Variants in NTM observed in about 807,000 individuals in gnomAD.
NTM encodes neurotrimin, also known as IgLON family member 2.
In NTM, 13 loss-of-function variants were observed where a neutral mutation model predicts 42.1. The ratio of observed to expected loss-of-function variants is 0.31; its 90% CI spans 0.20 to 0.49. The LOEUF (loss-of-function observed/expected upper bound fraction) is 0.49, where lower values mean the gene tolerates loss of function less well. NTM is among the 20% of genes least tolerant of loss of function. The pLI is 0.99. For missense variants in NTM, 373 were observed against 452.8 expected (o/e 0.82, Z 1.60); for synonymous variants, 187 against 179.2 (o/e 1.04, Z -0.35).
At chr11:132,024,956 G>A (rs1334834338) in intron 2 of NTM, among the ~76,000 whole-genome samples, 2 of 152,136 alleles carry the variant, frequency 1.3e-5, no homozygotes, top group Non-Finnish European at 2.9e-5. Context: ...GGCTTCATGC[G>A]ATAAAGTGAA....
chr11:132,073,647 A>G (rs2057993183), intron 2 of NTM, among the ~76,000 whole-genome samples: 1 of 152,128 alleles, frequency 6.6e-6, no homozygotes, highest in Non-Finnish European at 1.5e-5. Context: ...CAAACTAACC[A>G]TTATGGTCAA....
chr11:131,971,039 A>T (rs1273999342), intron 2 of NTM, among the ~76,000 whole-genome samples: 1 of 152,056 alleles, frequency 6.6e-6, no homozygotes, highest in Non-Finnish European at 1.5e-5. Context: ...ATGACAAACA[A>T]CCCTTTACAA....
intron 1 of NTM, among the ~76,000 whole-genome samples, chr11:131,565,701 G>T (rs1171115083): frequency 6.6e-6 from 1 of 152,216 alleles, no homozygotes; most frequent in Non-Finnish European, 1.5e-5. Context: ...CTGCAGTTGA[G>T]CTAGAAAGAT....
At chr11:131,899,288 C>T (rs975533179) in intron 1 of NTM, among the ~76,000 whole-genome samples, 4 of 152,100 alleles carry the variant, frequency 2.6e-5, no homozygotes, top group Admixed American at 6.5e-5. Context: ...GAAAGCAAGG[C>T]GGGCCAACTA....
At chr11:132,152,475 A>G (rs1188081302) in intron 3 of NTM, among the ~76,000 whole-genome samples, 1 of 152,256 alleles carries the variant, frequency 6.6e-6, no homozygotes, top group Admixed American at 6.5e-5. Context: ...GAAATAGATG[A>G]AAATGTATAT....
intron 2 of NTM, among the ~76,000 whole-genome samples, chr11:131,948,803 T>G (rs918655128): frequency 6.6e-6 from 1 of 152,202 alleles, no homozygotes; most frequent in African/African-American, 2.4e-5. Context: ...GTCCATATAT[T>G]TTTAGGTTTG....
rs1314863741 is a variant in NTM, at chr11:132,125,342, T to A, written c.168-20940T>A. On this transcript the variant is annotated intron_variant, in intron 2 of 8. Coordinates refer to ENST00000683400, the MANE Select transcript of NTM (RefSeq NM_001352005.2). ...GGTATATGTGGTGTGTGGTGTGGTA[T>A]GTGATTGTGTAGTGTGTAGTGTATG... Among the ~76,000 whole-genome samples, 29 of 138,840 alleles carry A rather than the reference T, an allele frequency of 2.1e-4. No homozygotes were observed. The Admixed American group carries it at 2.2e-3, about 11-fold the overall frequency. 91.1% of individuals were successfully genotyped at this position (138,840 alleles called of 152,430 possible).
intron 2 of NTM, among the ~76,000 whole-genome samples, chr11:131,939,906 G>A (rs2059617757): frequency 1.3e-5 from 2 of 152,154 alleles, no homozygotes; most frequent in African/African-American, 4.8e-5. Flanking sequence ...CAGTGACAGT[G>A]GATGTGTGAG....
chr11:131,533,478 G>A (rs1462753340), intron 1 of NTM, among the ~76,000 whole-genome samples: 1 of 152,174 alleles, frequency 6.6e-6, no homozygotes, highest in East Asian at 1.9e-4. Context: ...TGGGCCTTCT[G>A]CTTAAATGGC....
Position 132,002,859 on chromosome 11 carries a change from C to G in NTM, c.167+91211C>G, listed in dbSNP as rs182291482. On this transcript the variant is annotated intron_variant, in intron 2 of 8. Coordinates refer to ENST00000683400, the MANE Select transcript of NTM (RefSeq NM_001352005.2). This position sits in a 1 kb window ranked among gnomAD's most constrained non-coding sequence, Gnocchi z 4.5. ...ATACATTTAAAGTCCTAGAACAAAG[C>G]CTGCACATAGCAAGCTCTTAGCCAA... is the stretch of plus-strand genomic sequence containing the variant. Among the ~76,000 whole-genome samples the G allele has an allele frequency of 1.3e-5, 2 of 152,104 alleles. No homozygotes were observed. The highest frequency in any genetic ancestry group is 2.1e-4 in the South Asian group (1 of 4,826).
At chr11:131,419,985 G>T (rs1482739087) in intron 1 of NTM, among the ~76,000 whole-genome samples, 1 of 152,164 alleles carries the variant, frequency 6.6e-6, no homozygotes, top group African/African-American at 2.4e-5. Context: ...TCCTTTGGTT[G>T]TTGGGAGTCA....
At chr11:132,143,977 G>T (rs973748122) in intron 2 of NTM, among the ~76,000 whole-genome samples, 1 of 103,176 alleles carries the variant, frequency 9.7e-6, no homozygotes, top group African/African-American at 3.2e-5. Context: ...CACAAGAAAG[G>T]CTTGGATCAG....
chr11:131,642,651 A>G (rs2134241660), intron 1 of NTM, among the ~76,000 whole-genome samples: 1 of 152,314 alleles, frequency 6.6e-6, no homozygotes, highest in South Asian at 2.1e-4. Flanking sequence ...CAGGGGAAGG[A>G]AAAGAAATGG....
chr11:131,409,753 T>C (rs1478107444), intron 1 of NTM, among the ~76,000 whole-genome samples: 4 of 152,206 alleles, frequency 2.6e-5, no homozygotes, highest in South Asian at 4.1e-4. Context: ...AAGCCTGCCT[T>C]TGGAAGCGCC....
intron 1 of NTM, among the ~76,000 whole-genome samples, chr11:131,804,243 C>T (rs1283952194): frequency 2.0e-5 from 3 of 152,198 alleles, no homozygotes; most frequent in African/African-American, 7.2e-5. Flanking sequence ...CAAAGTACAA[C>T]TCTGACCCTC....
At chr11:131,819,903 A>C (rs558890583) in intron 1 of NTM, among the ~76,000 whole-genome samples, 1 of 151,976 alleles carries the variant, frequency 6.6e-6, no homozygotes, top group African/African-American at 2.4e-5. Flanking sequence ...GTGGGCCGCT[A>C]CTCCGTCTCT....
intron 3 of NTM, among the ~76,000 whole-genome samples, chr11:132,175,291 C>T (rs2137923633): frequency 6.6e-6 from 1 of 152,204 alleles, no homozygotes; most frequent in Non-Finnish European, 1.5e-5. Flanking sequence ...GCTCTTGTCT[C>T]TCTGTCACCT....
chr11:131,701,665 C>T (rs553185029), intron 1 of NTM, among the ~76,000 whole-genome samples: 2 of 152,162 alleles, frequency 1.3e-5, no homozygotes, highest in South Asian at 2.1e-4. Context: ...TTACCATCCT[C>T]ATTACAGCAA....
At chr11:131,764,970 CA>C (rs1259164074) in intron 1 of NTM, among the ~76,000 whole-genome samples, 1 of 152,108 alleles carries the variant, frequency 6.6e-6, no homozygotes, top group Non-Finnish European at 1.5e-5. Flanking sequence ...TTATTTCATC[CA>C]GGTGAGGCTT....
Sources: gnomAD v4.1 joint callset for allele counts (sites outside exome capture counted in the v4.1 genomes callset) on GRCh38, gnomAD v4.1.1 for gene constraint, Gnocchi (gnomAD v3.1) non-coding constraint, MANE v1.5 for transcripts, NCBI Gene and HGNC (gene_info 2026-07-23, HGNC 2026-07-21) for gene names.